The following SIX6 variants were observed in gnomAD, a reference collection of about 807,000 sequenced individuals.
The protein encoded by SIX6 is homeobox protein SIX6.
In SIX6, 14 loss-of-function variants were observed where a neutral mutation model predicts 23.6. The ratio of observed to expected loss-of-function variants is 0.59; its 90% confidence interval spans 0.39 to 0.93. SIX6 has a LOEUF of 0.93. Ranked by LOEUF, SIX6 falls within the 40% of genes least tolerant of loss-of-function variation. SIX6 has a pLI of 0.00. For missense variants in SIX6, 307 were observed against 325.6 expected (o/e 0.94, Z 0.44); for synonymous variants, 128 against 144.9 (o/e 0.88, Z 0.84).
rs2140190772 is a variant in SIX6 at position 60,512,327 on chromosome 14, C to T, written c.*1075C>T. 1 of 152,196 alleles carries T rather than the reference C, an allele frequency of 6.6e-6. No individual in the cohort carries two copies. The highest frequency in any genetic ancestry group is 6.5e-5 in the Admixed American group (1 of 15,296). 9.4% of individuals were successfully genotyped at this position (152,196 alleles called of 1,614,324 possible). On this transcript the variant is annotated 3_prime_UTR_variant, in exon 2 of 2. Coordinates refer to ENST00000327720, the MANE Select transcript of SIX6 (RefSeq NM_007374.3). ...CTTTCTGTCTCCTTCAAGGCCCCCT[C>T]CAATACAAAAGCAGCAGGCACCCAT... is the stretch of plus-strand genomic sequence containing the variant.
chr14:60,509,273 G>C lies in SIX6; in HGVS notation c.-126G>C. ...GCCGTTGAGCCACCGCCGCCACCCG[G>C]TAGTGTGTCCCGCTGCCCCAATCCG... On this transcript the variant is annotated 5_prime_UTR_variant, in exon 1 of 2. Coordinates refer to ENST00000327720, the MANE Select transcript of SIX6 (RefSeq NM_007374.3). The C allele has an allele frequency of 1.2e-6, 1 of 830,992 alleles. No homozygotes were observed. Among genetic ancestry groups the C allele is most frequent in the Non-Finnish European group, 2.0e-6 (1 of 503,206 alleles). 51.5% of individuals were successfully genotyped at this position (830,992 alleles called of 1,614,324 possible).
In SIX6 at chr14:60,511,142, G is replaced by C. The variant is rs745524344; in HGVS notation, c.631G>C (p.Gly211Arg). The C allele has an allele frequency of 6.2e-6, 10 of 1,612,876 alleles. No homozygotes were observed. Among genetic ancestry groups the C allele is most frequent in the African/African-American group, 1.3e-5 (1 of 75,052 alleles). The change falls in exon 2 of 2, where the codon GGC becomes CGC. Residue 211 changes from glycine (G) to arginine (R), a missense_variant. Coordinates refer to ENST00000327720, the MANE Select transcript of SIX6 (RefSeq NM_007374.3). ...SGRALRAEGDGTPEVLGVATS... is the reference protein window; with the variant it reads ...SGRALRAEGDRTPEVLGVATS... ...GCGGGCACTACGGGCGGAGGGCGAC[G>C]GCACGCCAGAGGTGCTGGGCGTCGC...
In SIX6 at chr14:60,512,134, C is replaced by T. The variant is rs1375736447; in HGVS notation, c.*882C>T. On this transcript the variant is annotated 3_prime_UTR_variant, in exon 2 of 2. Coordinates refer to ENST00000327720, the MANE Select transcript of SIX6 (RefSeq NM_007374.3). ...GAGCGTCCTCTCTAAGGCAAGTCCC[C>T]GCATCCCCAGCACAGGTAATTATGG... 1.3e-5 allele frequency: 2 copies of T among 152,214 alleles called. No individual in the cohort carries two copies. The highest frequency in any genetic ancestry group is 2.4e-5 in the African/African-American group (1 of 41,426). The allele number at this position is 152,214 out of a possible 1,614,324, so 9.4% of individuals were successfully genotyped here.
rs1450117500 is a variant in SIX6, at chr14:60,511,200, C to T, written c.689C>T (p.Ala230Val). ...TSPAASLSSK[A>V]ATSAISITSS... Reference sequence around the variant, plus strand: ...CCGGCCGCCAGTCTATCCAGCAAGGCGGCCACTTCAGCCATCTCCATCACG... The same window carrying T: ...CCGGCCGCCAGTCTATCCAGCAAGGTGGCCACTTCAGCCATCTCCATCACG... The change falls in exon 2 of 2, where the codon GCG (alanine) becomes GTG (valine). Residue 230 changes from alanine to valine, a missense_variant. By Grantham distance (64) the Ala-to-Val change is moderately conservative. Coordinates refer to ENST00000327720, the MANE Select transcript of SIX6 (RefSeq NM_007374.3). 1.2e-6 allele frequency: 2 copies of T among 1,613,180 alleles called. No homozygotes were observed. The highest frequency in any genetic ancestry group is 1.6e-4 in the Middle Eastern group (1 of 6,062).
chr14:60,509,315 C>T lies in SIX6; in HGVS notation c.-84C>T. ...CCCAATCCGCCTCATCAACAAGCGC[C>T]TGGCACACTCAGCCAGGCCCGCGGG... is the stretch of plus-strand genomic sequence containing the variant. On this transcript the variant is annotated 5_prime_UTR_variant, in exon 1 of 2. Transcript: ENST00000327720. The T allele has an allele frequency of 8.3e-7, 1 of 1,210,516 alleles. No homozygotes were observed. The highest frequency in any genetic ancestry group is 1.2e-5 in the South Asian group (1 of 82,156). The allele number at this position is 1,210,516 out of a possible 1,614,324, so 75.0% of individuals were successfully genotyped here.
At position 60,509,676 on chromosome 14, in the gene SIX6, A is replaced by C. The variant is rs1488297932; in HGVS notation, c.278A>C (p.Glu93Ala). Residue 93 changes from glutamate (E) to alanine (A), a missense_variant, in exon 1 of 2, where the codon GAA becomes GCA. Transcript: ENST00000327720. ...GCCAAGCTGCAGGCGCTGTGGCTTG[A>C]AGCACACTACCAGGAGGCTGAGAAG... The part of the protein sequence containing the change: ...SHAKLQALWL[E>A]AHYQEAEKLR... The C allele has an allele frequency of 1.2e-6, 2 of 1,613,988 alleles. No individual in the cohort carries two copies. Among genetic ancestry groups the C allele is most frequent in the Non-Finnish European group, 8.5e-7 (1 of 1,179,990 alleles).
Position 60,509,328 on chromosome 14 carries a change from C to G in SIX6, c.-71C>G. 7.4e-7 allele frequency: 1 copy of G among 1,348,014 alleles called. No individual in the cohort carries two copies. Among genetic ancestry groups the G allele is most frequent in the Non-Finnish European group, 1.0e-6 (1 of 952,546 alleles). 83.5% of individuals were successfully genotyped at this position (1,348,014 alleles called of 1,614,324 possible). A position where few individuals can be genotyped will look rare whatever the true frequency, so the allele number is the denominator to read the frequency against. On this transcript the variant is annotated 5_prime_UTR_variant, in exon 1 of 2. Transcript: ENST00000327720. ...ATCAACAAGCGCCTGGCACACTCAG[C>G]CAGGCCCGCGGGCATCTGCTGCGTG...
At chr14:60,510,951 A>G (rs1893282035) in intron 1 of SIX6, 133 bp from the exon 2 acceptor site, 1 of 915,476 alleles carries the variant, frequency 1.1e-6, no homozygotes. Context: ...TTGCCGAGTA[A>G]TCCTCGCCTT....
chr14:60,511,133 G>C lies in SIX6; in HGVS notation c.622G>C (p.Glu208Gln). The C allele has an allele frequency of 1.9e-6, 3 of 1,612,874 alleles. No homozygotes were observed. Among genetic ancestry groups the C allele is most frequent in the South Asian group, 1.1e-5 (1 of 91,068 alleles). Reference protein sequence around the residue: ...SQGSGRALRAEGDGTPEVLGV... With the variant: ...SQGSGRALRAQGDGTPEVLGV... Reference sequence around the variant, plus strand: ...GGGTTCCGGGCGGGCACTACGGGCGGAGGGCGACGGCACGCCAGAGGTGCT... The same window carrying C: ...GGGTTCCGGGCGGGCACTACGGGCGCAGGGCGACGGCACGCCAGAGGTGCT... Residue 208 changes from glutamate to glutamine, a missense_variant, in exon 2 of 2, where the codon GAG (glutamate) becomes CAG (glutamine). Coordinates refer to ENST00000327720, the MANE Select transcript of SIX6 (RefSeq NM_007374.3).
chr14:60,510,988 C>A, intron 1 of SIX6, 96 bp from the exon 2 acceptor site: 1 of 1,330,522 alleles, frequency 7.5e-7, no homozygotes, highest in South Asian at 1.3e-5. Context: ...GGAAGAACCT[C>A]TAGCCGCCGG....
intron 1 of SIX6, among the ~76,000 whole-genome samples, chr14:60,510,603 A>C (rs1023677141): frequency 8.5e-5 from 13 of 152,054 alleles, no homozygotes. Context: ...CCCAGGCCCA[A>C]ATGCTCCTTA....
intron 1 of SIX6, 31 bp from the exon 2 acceptor site, chr14:60,511,043 GTGTTACGAGC>G (rs1566691500): frequency 6.2e-7 from 1 of 1,602,336 alleles, no homozygotes; most frequent in South Asian, 1.1e-5. Context: ...ACGGGCGGCT[GTGTTACGAGC>G]TGTGACCCGT....
At position 60,509,444 on chromosome 14, in the gene SIX6, G is replaced by A. The variant is rs1240398966; in HGVS notation, c.46G>A (p.Gly16Arg). The A allele has an allele frequency of 3.1e-6, 5 of 1,599,734 alleles. No homozygotes were observed. In the Admixed American group the frequency reaches 6.7e-5, roughly 21 times the overall value. ...GAATTTCAGCCCCCAGCAAGTGGCC[G>A]GGGTATGTGAGACCCTGGAAGAGAG... Reference protein sequence around the residue: ...ILNFSPQQVAGVCETLEESGD... With the variant: ...ILNFSPQQVARVCETLEESGD... The change falls in exon 1 of 2, where the codon GGG (glycine) becomes AGG (arginine). Residue 16 changes from glycine (G) to arginine (R), a missense_variant. Transcript: ENST00000327720.
intron 1 of SIX6, among the ~76,000 whole-genome samples, chr14:60,510,356 A>G (rs1295080466): frequency 1.3e-5 from 2 of 152,222 alleles, no homozygotes; most frequent in East Asian, 3.8e-4. Flanking sequence ...CTTATTAGCA[A>G]TGTGTCGGTT....
Position 60,512,244 on chromosome 14 carries a change from G to A in SIX6, c.*992G>A, listed in dbSNP as rs949113977. On this transcript the variant is annotated 3_prime_UTR_variant, in exon 2 of 2. Coordinates refer to ENST00000327720, the MANE Select transcript of SIX6 (RefSeq NM_007374.3). The stretch of plus-strand genomic sequence containing the variant: ...AGCCAAACTATGGGACTCAATAAGT[G>A]AGTCCTATTTTCTAAAAATGCAAAA... 1.3e-5 allele frequency: 2 copies of A among 152,242 alleles called. No homozygotes were observed. Among genetic ancestry groups the A allele is most frequent in the Middle Eastern group, 3.4e-3 (1 of 294 alleles). The allele number at this position is 152,242 out of a possible 1,614,324, so 9.4% of individuals were successfully genotyped here.
At position 60,511,445 on chromosome 14, in the gene SIX6, CGACCACGG is replaced by C. The variant is rs1893293663; in HGVS notation, c.*196_*203del. On this transcript the variant is annotated 3_prime_UTR_variant, in exon 2 of 2. Coordinates refer to ENST00000327720, the MANE Select transcript of SIX6 (RefSeq NM_007374.3). ...TGGCTTCACTGGCGCCCTTTGGCCG[CGACCACGG>C]GAACCAGCGGTGAGGCCTGACCCAG... 1 of 674,528 alleles carries C rather than the reference CGACCACGG, an allele frequency of 1.5e-6. No individual in the cohort carries two copies. The highest frequency in any genetic ancestry group is 2.6e-6 in the Non-Finnish European group (1 of 380,262). The allele number at this position is 674,528 out of a possible 1,614,324, so 41.8% of individuals were successfully genotyped here.
In SIX6 at chr14:60,512,035, A is replaced by AGG. The variant is rs1893303039; in HGVS notation, c.*783_*784insGG. The AGG allele has an allele frequency of 6.6e-6, 1 of 151,510 alleles. No homozygotes were observed. The highest frequency in any genetic ancestry group is 1.5e-5 in the Non-Finnish European group (1 of 67,906). The allele number at this position is 151,510 out of a possible 1,614,324, so 9.4% of individuals were successfully genotyped here. A position where few individuals can be genotyped will look rare whatever the true frequency, so the allele number is the denominator to read the frequency against. On this transcript the variant is annotated 3_prime_UTR_variant, in exon 2 of 2. Coordinates refer to ENST00000327720, the MANE Select transcript of SIX6 (RefSeq NM_007374.3). ...TATATGTATGTACCTATACAAACAT[A>AGG]TGTATGTACCTATACAAACATATGT...
rs780214504 is a variant in SIX6, at chr14:60,509,409, T to C, written c.11T>C (p.Leu4Pro). The C allele has an allele frequency of 1.3e-6, 2 of 1,599,376 alleles. No homozygotes were observed. The highest frequency in any genetic ancestry group is 2.7e-5 in the African/African-American group (2 of 74,944). ...GCCGGCACTGCCTCGATGTTCCAGC[T>C]GCCCATCTTGAATTTCAGCCCCCAG... Reference protein sequence around the residue: MFQLPILNFSPQQV... With the variant: MFQPPILNFSPQQV... The change falls in exon 1 of 2, where the codon CTG (leucine) becomes CCG (proline). Residue 4 changes from leucine to proline, a missense_variant. By Grantham distance (98) the Leu-to-Pro change is moderately conservative (BLOSUM62 -3). Coordinates refer to ENST00000327720, the MANE Select transcript of SIX6 (RefSeq NM_007374.3).
Position 60,509,823 on chromosome 14 carries a change from T to A in SIX6, c.425T>A (p.Leu142Gln). The A allele has an allele frequency of 6.2e-7, 1 of 1,613,934 alleles. No homozygotes were observed. The highest frequency in any genetic ancestry group is 8.5e-7 in the Non-Finnish European group (1 of 1,179,822). The change falls in exon 1 of 2, where the codon CTG becomes CAG. Residue 142 changes from leucine (L) to glutamine (Q), a missense_variant. Physicochemically the swap from Leu to Gln is moderately radical, Grantham distance 113. Transcript: ENST00000327720. Reference sequence around the variant, plus strand: ...TGCTTCAAGGAGCGCACGCGGCACCTGCTACGCGAGTGGTACCTGCAGGAT... The same window carrying A: ...TGCTTCAAGGAGCGCACGCGGCACCAGCTACGCGAGTGGTACCTGCAGGAT... ...THCFKERTRH[L>Q]LREWYLQDPY...
Sources: allele counts gnomAD v4.1 joint callset (sites outside exome capture counted in the v4.1 genomes callset), GRCh38; gene constraint gnomAD v4.1.1; transcripts MANE v1.5; gene names NCBI Gene and HGNC (gene_info 2026-07-23, HGNC 2026-07-21).